RBFOX1: variants seen among roughly 807,000 people sequenced by gnomAD.
RBFOX1 encodes RNA binding fox-1 homolog 1.
RBFOX1 carries 8 observed loss-of-function variants against 57.7 expected under a neutral mutation model. The ratio of observed to expected loss-of-function variants is 0.14; its 90% confidence interval spans 0.08 to 0.25. The LOEUF (loss-of-function observed/expected upper bound fraction) is 0.25. Among genes scored for constraint, RBFOX1 ranks in the 10% least tolerant of loss-of-function variants. RBFOX1 has a pLI of 1.00. For synonymous variants in RBFOX1, 326 were observed against 222.4 expected (o/e 1.47, Z -4.15); for missense variants, 611 against 548.5 (o/e 1.11, Z -1.14).
At chr16:6,146,757 C>A (rs1276280552) in intron 1 of RBFOX1, among the ~76,000 whole-genome samples, 1 of 152,170 alleles carries the variant, frequency 6.6e-6, no homozygotes, top group Non-Finnish European at 1.5e-5. Context: ...CTTTACTGAA[C>A]CTTCCGGAGT....
At chr16:7,451,537 C>G (rs540813846) in intron 4 of RBFOX1, among the ~76,000 whole-genome samples, 2 of 151,960 alleles carry the variant, frequency 1.3e-5, no homozygotes, top group South Asian at 2.1e-4. Flanking sequence ...TGGAGGAGAT[C>G]TCAACCCTAC....
upstream of RBFOX1, among the ~76,000 whole-genome samples, chr16:6,015,582 C>T (rs545426043): frequency 2.6e-5 from 4 of 152,300 alleles, no homozygotes; most frequent in Non-Finnish European, 5.9e-5. Flanking sequence ...ATTGTCCAGC[C>T]CCTTAACTTC....
At chr16:6,446,502 T>G (rs1025786770) in intron 2 of RBFOX1, among the ~76,000 whole-genome samples, 9 of 152,178 alleles carry the variant, frequency 5.9e-5, no homozygotes, top group African/African-American at 2.2e-4. Flanking sequence ...TTGGAGTATG[T>G]TATTTATTTA....
At chr16:7,511,623 T>A (rs2152060039) in intron 4 of RBFOX1, among the ~76,000 whole-genome samples, 1 of 152,282 alleles carries the variant, frequency 6.6e-6, no homozygotes, top group African/African-American at 2.4e-5. Flanking sequence ...GAAATGACTT[T>A]TTTTTTTGCT....
At chr16:7,350,787 A>C (rs2097114787) in intron 4 of RBFOX1, among the ~76,000 whole-genome samples, 1 of 152,274 alleles carries the variant, frequency 6.6e-6, no homozygotes, top group East Asian at 1.9e-4. Flanking sequence ...TCACAGTGTT[A>C]ATGGAATGAG....
At chr16:6,273,340 G>GTTTTTTT (rs544640090) in intron 1 of RBFOX1, among the ~76,000 whole-genome samples, 2 of 89,878 alleles carry the variant, frequency 2.2e-5, no homozygotes, top group African/African-American at 4.8e-5. Context: ...GTTGTTGTTG[G>GTTTTTTT]TTTTTTTTTT....
chr16:6,101,562 C>G (rs568415545), intron 1 of RBFOX1, among the ~76,000 whole-genome samples: 1 of 152,246 alleles, frequency 6.6e-6, no homozygotes, highest in East Asian at 1.9e-4. Context: ...TCTTGGCACA[C>G]TGCAACCTCC....
intron 2 of RBFOX1, among the ~76,000 whole-genome samples, chr16:6,605,403 G>A (rs2097912498): frequency 6.6e-6 from 1 of 152,058 alleles, no homozygotes; most frequent in South Asian, 2.1e-4. Context: ...ATTGATTTAT[G>A]ATATTATCAA....
intron 2 of RBFOX1, among the ~76,000 whole-genome samples, chr16:6,371,020 C>G (rs2090359517): frequency 6.6e-6 from 1 of 152,096 alleles, no homozygotes; most frequent in Non-Finnish European, 1.5e-5. Flanking sequence ...CAGGGATACC[C>G]CCAAGTAATA....
chr16:6,588,823 C>A (rs1261267367), intron 2 of RBFOX1, among the ~76,000 whole-genome samples: 1 of 152,078 alleles, frequency 6.6e-6, no homozygotes, highest in South Asian at 2.1e-4. Flanking sequence ...GAGAGTGCTC[C>A]CCAGGCCATG....
At chr16:6,744,677 C>A (rs74007008) in intron 3 of RBFOX1, among the ~76,000 whole-genome samples, 5 of 151,854 alleles carry the variant, frequency 3.3e-5, no homozygotes, top group Non-Finnish European at 7.4e-5. Flanking sequence ...TCAGATTTTG[C>A]GTAGTGTTAT....
At chr16:6,480,245 GTATA>G (rs2153095388) in intron 2 of RBFOX1, among the ~76,000 whole-genome samples, 1 of 152,030 alleles carries the variant, frequency 6.6e-6, no homozygotes, top group East Asian at 1.9e-4. Flanking sequence ...AACATATAGA[GTATA>G]TATACATACA....
chr16:7,385,492 G>C (rs2097860093), intron 4 of RBFOX1, among the ~76,000 whole-genome samples: 1 of 152,194 alleles, frequency 6.6e-6, no homozygotes, highest in South Asian at 2.1e-4. Flanking sequence ...GAAAGTAATG[G>C]AGGTATCTCA....
chr16:5,284,024 G>C (rs2063333617), intron 1 of RBFOX1, among the ~76,000 whole-genome samples: 1 of 152,076 alleles, frequency 6.6e-6, no homozygotes, highest in African/African-American at 2.4e-5. Context: ...TTGAGTCATG[G>C]GGGCATGTCT....
intron 2 of RBFOX1, among the ~76,000 whole-genome samples, chr16:5,499,956 C>T (rs947639547): frequency 2.6e-5 from 4 of 152,196 alleles, no homozygotes; most frequent in African/African-American, 7.2e-5. Context: ...ATATTTATTT[C>T]GTATCTGCTA....
At chr16:5,601,604 TA>T (rs1438551848), downstream of RBFOX1, 1 of 152,182 alleles carries the variant, frequency 6.6e-6, no homozygotes, top group Non-Finnish European at 1.5e-5. Context: ...ACACTCTTCA[TA>T]ATCTTGAAAT....
chr16:7,030,893 C>G (rs1292810066), intron 3 of RBFOX1, among the ~76,000 whole-genome samples: 1 of 152,134 alleles, frequency 6.6e-6, no homozygotes, highest in Non-Finnish European at 1.5e-5. Flanking sequence ...GGAAATGAAT[C>G]CAATCCTTGT....
intron 3 of RBFOX1, among the ~76,000 whole-genome samples, chr16:5,833,512 A>AAG (rs1555541039): frequency 9.2e-4 from 139 of 151,072 alleles, no homozygotes; most frequent in African/African-American, 3.4e-3. Context: ...AAAAAAAAAA[A>AAG]AAAGAAAGAA....
intron 2 of RBFOX1, among the ~76,000 whole-genome samples, chr16:6,347,268 G>A (rs994086773): frequency 3.3e-5 from 5 of 152,112 alleles, no homozygotes; most frequent in African/African-American, 7.2e-5. Flanking sequence ...GACAGTGAAC[G>A]GGAGATGGTT....
Sources: allele counts gnomAD v4.1 joint callset (sites outside exome capture counted in the v4.1 genomes callset), GRCh38; gene constraint gnomAD v4.1.1; transcripts MANE v1.5; gene names NCBI Gene and HGNC (gene_info 2026-07-23, HGNC 2026-07-21).